The following TMEM128 variants were observed in gnomAD, a reference collection of about 807,000 sequenced individuals.
TMEM128 encodes the protein transmembrane protein 128.
TMEM128 carries 16 observed loss-of-function variants against 19.7 expected under a neutral mutation model. That is an observed-to-expected ratio of 0.81 (90% CI 0.55 to 1.23). TMEM128 has a LOEUF of 1.23. TMEM128 is among the 50% of genes most tolerant of loss of function. The probability of loss-of-function intolerance (pLI) is 0.00; values close to 1 mark genes in which losing one functional copy is unlikely to be tolerated. For missense variants in TMEM128, 237 were observed against 200.8 expected, an observed-to-expected ratio of 1.18 and a Z score of -1.09; for synonymous variants, 98 against 75.8, an observed-to-expected ratio of 1.29 and a Z score of -1.52.
In TMEM128 at chr4:4,237,458, A is replaced by C. The variant is rs544451215; in HGVS notation, c.*9+369T>G. Among the ~76,000 whole-genome samples the C allele has an allele frequency of 4.7e-3, 719 of 152,300 alleles. 4 individuals carry two copies. The highest frequency in any genetic ancestry group is 0.016 in the African/African-American group (666 of 41,550). ...AACCCCCGCCAGCCTGGGCAACATAAGGAGACTCTGTTTCTACAAAAAAAT... is the reference window on the plus strand; with the variant it reads ...AACCCCCGCCAGCCTGGGCAACATACGGAGACTCTGTTTCTACAAAAAAAT... On this transcript the variant is annotated intron_variant, in intron 4 of 4. Coordinates refer to ENST00000382753, the MANE Select transcript of TMEM128 (RefSeq NM_001297551.2).
rs1717796861 is a variant in TMEM128, at chr4:4,238,025, A to G, written c.399-90T>C. ...TCCAGATTTAAAGTATTCAATGTAGAAAAGTTCATCCAGTCAGCAACTTTC... is the reference window on the plus strand; with the variant it reads ...TCCAGATTTAAAGTATTCAATGTAGGAAAGTTCATCCAGTCAGCAACTTTC... On this transcript the variant is annotated intron_variant, in intron 3 of 4. Coordinates refer to ENST00000382753, the MANE Select transcript of TMEM128 (RefSeq NM_001297551.2). The G allele has an allele frequency of 9.6e-6, 8 of 834,578 alleles. No individual in the cohort carries two copies. In the East Asian group the frequency reaches 2.2e-4, roughly 23 times the overall value. 51.7% of individuals were successfully genotyped at this position (834,578 alleles called of 1,614,324 possible). A position where few individuals can be genotyped will look rare whatever the true frequency, so the allele number is the denominator to read the frequency against.
At chr4:4,245,021 C>T (rs1289194334) in intron 2 of TMEM128, among the ~76,000 whole-genome samples, 6 of 152,164 alleles carry the variant, frequency 3.9e-5, no homozygotes, top group Non-Finnish European at 8.8e-5. Flanking sequence ...GTCACTGCTC[C>T]TCCTGAAGGC....
At chr4:4,245,222 A>G (rs1222622129) in intron 2 of TMEM128, among the ~76,000 whole-genome samples, 1 of 152,014 alleles carries the variant, frequency 6.6e-6, no homozygotes, top group Admixed American at 6.6e-5. Context: ...ATCACTCTCC[A>G]ATGTGCAGTA....
chr4:4,243,056 A>G (rs1718025298), intron 2 of TMEM128, among the ~76,000 whole-genome samples: 2 of 152,166 alleles, frequency 1.3e-5, no homozygotes, highest in South Asian at 4.1e-4. Context: ...AAAGCATCAC[A>G]GTGTTGTTTT....
intron 2 of TMEM128, among the ~76,000 whole-genome samples, chr4:4,245,206 C>A (rs1383396098): frequency 6.6e-6 from 1 of 152,182 alleles, no homozygotes; most frequent in Non-Finnish European, 1.5e-5. Flanking sequence ...ATCCAAGGGT[C>A]TCCACATCAC....
chr4:4,242,785 C>T (rs1718016249), intron 2 of TMEM128, among the ~76,000 whole-genome samples: 1 of 152,108 alleles, frequency 6.6e-6, no homozygotes, highest in Non-Finnish European at 1.5e-5. Flanking sequence ...TCCCAAAGTG[C>T]TCGGATTACA....
intron 1 of TMEM128, 130 bp from the exon 2 acceptor site, chr4:4,246,473 A>C (rs577739496): frequency 6.8e-5 from 63 of 929,768 alleles, no homozygotes; most frequent in Non-Finnish European, 9.1e-5. Flanking sequence ...TCCTTCTGTA[A>C]AACCCTTGAG....
chr4:4,247,701 C>G (rs1718244933), intron 1 of TMEM128: 2 of 1,600,568 alleles, frequency 1.2e-6, no homozygotes, highest in South Asian at 2.3e-5. Context: ...GTCAGGTATA[C>G]ATATACCCAA....
chr4:4,241,378 T>G (rs1717951282), intron 2 of TMEM128, among the ~76,000 whole-genome samples: 1 of 152,210 alleles, frequency 6.6e-6, no homozygotes, highest in African/African-American at 2.4e-5. Flanking sequence ...ACCTGTGACC[T>G]GATTCAGCAA....
chr4:4,243,285 C>T (rs12512802), intron 2 of TMEM128, among the ~76,000 whole-genome samples: 46,993 of 151,800 alleles, frequency 0.31, 7,879 homozygotes, highest in East Asian at 0.46. Context: ...GGTTTCACCG[C>T]GTTAGCCAGG....
At chr4:4,247,416 T>G (rs1718228715) in intron 1 of TMEM128, among the ~76,000 whole-genome samples, 1 of 152,208 alleles carries the variant, frequency 6.6e-6, no homozygotes, top group Non-Finnish European at 1.5e-5. Context: ...ATTCGTGTTT[T>G]TAATTTTAAA....
Position 4,235,919 on chromosome 4 carries a change from A to G in TMEM128, c.*347T>C, listed in dbSNP as rs959694184. 6.6e-6 allele frequency: 1 copy of G among 152,510 alleles called. No homozygotes were observed. The highest frequency in any genetic ancestry group is 1.5e-5 in the Non-Finnish European group (1 of 68,046). 9.4% of individuals were successfully genotyped at this position (152,510 alleles called of 1,614,324 possible). Reference sequence around the variant, plus strand: ...AGACTCAAACAGATTAACATTGCAAAATAGTACTTCTGTATCACTGACTTC... The same window carrying G: ...AGACTCAAACAGATTAACATTGCAAGATAGTACTTCTGTATCACTGACTTC... On this transcript the variant is annotated 3_prime_UTR_variant, in exon 5 of 5. Coordinates refer to ENST00000382753, the MANE Select transcript of TMEM128 (RefSeq NM_001297551.2).
At chr4:4,246,090 CAG>C in intron 2 of TMEM128, 110 bp downstream of exon 2, 3 of 1,128,442 alleles carry the variant, frequency 2.7e-6, no homozygotes, top group South Asian at 3.4e-5. Flanking sequence ...ACCTCCAACA[CAG>C]GGCCTGGCAG....
chr4:4,246,488 GT>G, intron 1 of TMEM128, 145 bp from the exon 2 acceptor site: 1 of 760,308 alleles, frequency 1.3e-6, no homozygotes, highest in Non-Finnish European at 2.0e-6. Flanking sequence ...CTTGAGATAG[GT>G]TTATATTTAC....
intron 1 of TMEM128, among the ~76,000 whole-genome samples, chr4:4,246,739 A>G (rs1718191457): frequency 6.7e-6 from 1 of 148,716 alleles, no homozygotes. Flanking sequence ...TTCCAAGAAC[A>G]CTTTTATAAC....
chr4:4,245,338 G>A (rs1267117112), intron 2 of TMEM128, among the ~76,000 whole-genome samples: 1 of 152,066 alleles, frequency 6.6e-6, no homozygotes, highest in Non-Finnish European at 1.5e-5. Flanking sequence ...CATCTGGTCT[G>A]GCCACAAAGC....
At chr4:4,237,504 T>A (rs1414695996) in intron 4 of TMEM128, among the ~76,000 whole-genome samples, 8 of 152,294 alleles carry the variant, frequency 5.3e-5, no homozygotes, top group South Asian at 4.1e-4. Context: ...TAGCCAAGCA[T>A]GGTAGCACAT....
chr4:4,241,200 C>T (rs1448551408), intron 2 of TMEM128, among the ~76,000 whole-genome samples: 3 of 152,216 alleles, frequency 2.0e-5, no homozygotes, highest in African/African-American at 7.2e-5. Context: ...AACTTCATTC[C>T]TCCAAGTTAA....
chr4:4,246,215 A>C lies in TMEM128; in HGVS notation c.226T>G (p.Phe76Val). ...AAATTTTCTTACCTGCTAGTGTGGA[A>C]GTTTTCTTTAAGGGTTTTAAAGAAG... is the stretch of plus-strand genomic sequence containing the variant. ...VDFFKTLKEN[F>V]HTSSWFLCGS... The change falls in exon 2 of 5, where the codon TTC becomes GTC. Residue 76 changes from phenylalanine to valine, a missense_variant. By Grantham distance (50) the Phe-to-Val change is conservative. Transcript: ENST00000382753. 6.3e-7 allele frequency: 1 copy of C among 1,597,562 alleles called. No individual in the cohort carries two copies.
Sources: allele counts gnomAD v4.1 joint callset (sites outside exome capture counted in the v4.1 genomes callset), GRCh38; gene constraint gnomAD v4.1.1; transcripts MANE v1.5; gene names NCBI Gene and HGNC (gene_info 2026-07-23, HGNC 2026-07-21).